Variants in XCR1 observed in about 807,000 individuals in gnomAD.
The protein encoded by XCR1 is chemokine XC receptor 1.
For synonymous variants in XCR1, 187 were observed against 188.5 expected (o/e 0.99, Z 0.06); for missense variants, 356 against 424.2 (o/e 0.84, Z 1.41).
intron 4 of XCR1, among the ~76,000 whole-genome samples, chr3:46,063,744 C>T (rs1698010261): frequency 6.6e-6 from 1 of 152,198 alleles, no homozygotes; most frequent in Admixed American, 6.5e-5. Flanking sequence ...GTCCCCCTTC[C>T]CCTAGTTCAT....
At chr3:46,062,181 T>C (rs1697975057) in intron 4 of XCR1, among the ~76,000 whole-genome samples, 1 of 152,220 alleles carries the variant, frequency 6.6e-6, no homozygotes, top group Non-Finnish European at 1.5e-5. Flanking sequence ...TCTGAACTCC[T>C]TGGGGAGATG....
intron 5 of XCR1, among the ~76,000 whole-genome samples, chr3:46,049,318 G>T (rs771857345): frequency 6.6e-6 from 1 of 152,180 alleles, no homozygotes; most frequent in Non-Finnish European, 1.5e-5. Flanking sequence ...ATGTGAGTAA[G>T]GGCGGAAGTA....
chr3:46,060,762 A>AT (rs1697947039), intron 4 of XCR1, among the ~76,000 whole-genome samples: 2 of 152,194 alleles, frequency 1.3e-5, no homozygotes, highest in Non-Finnish European at 2.9e-5. Context: ...AACAGTATGT[A>AT]TATTGGATGC....
chr3:46,037,425 A>C (rs1462587428), intron 5 of XCR1, among the ~76,000 whole-genome samples: 1 of 152,146 alleles, frequency 6.6e-6, no homozygotes, highest in African/African-American at 2.4e-5. Flanking sequence ...GAAAGGTTAT[A>C]AAGAAAAGAG....
At chr3:46,060,588 G>A (rs909578601) in intron 4 of XCR1, among the ~76,000 whole-genome samples, 6 of 152,108 alleles carry the variant, frequency 3.9e-5, no homozygotes, top group Admixed American at 6.5e-5. Flanking sequence ...TCTCCTGGTG[G>A]AAGCATTCCT....
At chr3:46,079,095 T>A (rs1344564928) in intron 1 of XCR1, among the ~76,000 whole-genome samples, 1 of 152,224 alleles carries the variant, frequency 6.6e-6, no homozygotes, top group Non-Finnish European at 1.5e-5. Flanking sequence ...AAACACATCC[T>A]GGGCCTTGGT....
chr3:46,038,328 T>G (rs1174394898), intron 5 of XCR1, among the ~76,000 whole-genome samples: 2 of 152,108 alleles, frequency 1.3e-5, no homozygotes, highest in East Asian at 3.9e-4. Context: ...GTGTGTGTGT[T>G]TTTTTAACCT....
chr3:46,023,163 G>T, intron 1 of XCR1: 1 of 404,624 alleles, frequency 2.5e-6, no homozygotes, highest in Non-Finnish European at 4.4e-6. Context: ...CCCGTGGCGC[G>T]GGGCCTGAGG....
At chr3:46,039,371 T>C (rs1697494592) in intron 5 of XCR1, among the ~76,000 whole-genome samples, 1 of 152,230 alleles carries the variant, frequency 6.6e-6, no homozygotes, top group South Asian at 2.1e-4. Flanking sequence ...TTTAATGCTT[T>C]TAGCCATAGT....
chr3:46,056,686 C>T (rs987412355), intron 4 of XCR1, among the ~76,000 whole-genome samples: 3 of 151,780 alleles, frequency 2.0e-5, no homozygotes, highest in Admixed American at 6.6e-5. Flanking sequence ...GGGGTTTCGC[C>T]ATCTTGCTCA....
intron 3 of XCR1, among the ~76,000 whole-genome samples, chr3:46,071,034 T>C (rs1698155534): frequency 6.6e-6 from 1 of 152,088 alleles, no homozygotes; most frequent in Admixed American, 6.5e-5. Flanking sequence ...GCATTTCTTG[T>C]ACAAAAGAAG....
At chr3:46,027,969 T>C (rs918893465), upstream of XCR1, among the ~76,000 whole-genome samples, 1 of 152,198 alleles carries the variant, frequency 6.6e-6, no homozygotes, top group African/African-American at 2.4e-5. Flanking sequence ...CAGCCCCCAA[T>C]TGGTTCTTTA....
exon 5 of XCR1, among the ~76,000 whole-genome samples, chr3:46,054,013 C>A (rs897213618): frequency 1.4e-4 from 21 of 152,164 alleles, no homozygotes; most frequent in Non-Finnish European, 2.8e-4. Context: ...TCTTCATTCA[C>A]GTCCTCAAAG....
chr3:46,066,046 G>A (rs1356619263), intron 4 of XCR1, among the ~76,000 whole-genome samples: 1 of 152,184 alleles, frequency 6.6e-6, no homozygotes, highest in African/African-American at 2.4e-5. Context: ...GGTGGAAGGA[G>A]GGAGGCTAGC....
chr3:46,085,679 C>T (rs1198049313), intron 1 of XCR1, among the ~76,000 whole-genome samples: 1 of 152,200 alleles, frequency 6.6e-6, no homozygotes, highest in Admixed American at 6.5e-5. Flanking sequence ...CCACTCACTT[C>T]CATGTCTCAA....
chr3:46,037,838 T>A (rs1229526524), intron 5 of XCR1, among the ~76,000 whole-genome samples: 7 of 152,204 alleles, frequency 4.6e-5, no homozygotes, highest in African/African-American at 1.7e-4. Context: ...AAATTTCACA[T>A]ACATGCTTGC....
At chr3:46,045,479 G>T (rs1181852108) in intron 5 of XCR1, among the ~76,000 whole-genome samples, 1 of 151,992 alleles carries the variant, frequency 6.6e-6, no homozygotes, top group East Asian at 1.9e-4. Context: ...ATCAATTAAT[G>T]TAATCCATCA....
chr3:46,043,427 C>T (rs958448525), intron 5 of XCR1, among the ~76,000 whole-genome samples: 1 of 151,722 alleles, frequency 6.6e-6, no homozygotes, highest in Non-Finnish European at 1.5e-5. Context: ...GGCAACAGAG[C>T]GAGACCCCAT....
At chr3:46,032,577 G>A (rs189412942) in intron 5 of XCR1, among the ~76,000 whole-genome samples, 1 of 152,324 alleles carries the variant, frequency 6.6e-6, no homozygotes, top group African/African-American at 2.4e-5. Flanking sequence ...AGCAGGATAA[G>A]CCCAGTGGGC....
Sources: gnomAD v4.1 joint callset for allele counts (sites outside exome capture counted in the v4.1 genomes callset) on GRCh38, gnomAD v4.1.1 for gene constraint, MANE v1.5 for transcripts, NCBI Gene and HGNC (gene_info 2026-07-23, HGNC 2026-07-21) for gene names.